Variants in NRXN1 observed in about 807,000 individuals in gnomAD.
NRXN1 encodes the protein neurexin-1.
Under a neutral mutation model 150.9 loss-of-function variants are expected in NRXN1, and 39 were observed. The ratio of observed to expected loss-of-function variants is 0.26; its 90% CI spans 0.20 to 0.34. The LOEUF is 0.34. NRXN1 is among the 10% of genes least tolerant of loss of function. NRXN1 has a pLI of 1.00. For missense variants in NRXN1, 1,815 were observed against 1,949.9 expected (o/e 0.93, Z 1.30); for synonymous variants, 924 against 757.0 (o/e 1.22, Z -3.62).
chr2:50,019,321 T>C (rs1310567487), intron 21 of NRXN1: 1 of 471,272 alleles, frequency 2.1e-6, no homozygotes, highest in South Asian at 1.5e-5. Flanking sequence ...TGTACTTTTC[T>C]GGTATCCTCG....
At chr2:50,389,214 CACA>C (rs1318694340) in intron 17 of NRXN1, among the ~76,000 whole-genome samples, 1 of 150,388 alleles carries the variant, frequency 6.6e-6, no homozygotes, top group South Asian at 2.1e-4. Flanking sequence ...TGTGTGCAAG[CACA>C]ACATCAGACC....
chr2:50,270,884 C>G (rs1246746068), intron 17 of NRXN1, among the ~76,000 whole-genome samples: 1 of 152,076 alleles, frequency 6.6e-6, no homozygotes, highest in African/African-American at 2.4e-5. Flanking sequence ...GTGGCGAACT[C>G]CTAACCTCAA....
chr2:50,325,070 G>C (rs1322181938), intron 17 of NRXN1, among the ~76,000 whole-genome samples: 1 of 152,150 alleles, frequency 6.6e-6, no homozygotes, highest in African/African-American at 2.4e-5. Context: ...AATTACTCAA[G>C]AAGAGAAAAC....
intron 5 of NRXN1, among the ~76,000 whole-genome samples, chr2:50,720,399 C>G (rs1379579557): frequency 6.6e-6 from 1 of 152,184 alleles, no homozygotes; most frequent in Non-Finnish European, 1.5e-5. Context: ...TTAATTTGAA[C>G]TCTTTCCCTA....
intron 5 of NRXN1, among the ~76,000 whole-genome samples, chr2:50,844,033 G>A (rs1673252245): frequency 6.6e-6 from 1 of 152,048 alleles, no homozygotes; most frequent in South Asian, 2.1e-4. Flanking sequence ...TCTCACTGAA[G>A]GAAGCAATGT....
At chr2:50,466,363 A>G in intron 16 of NRXN1, 1 of 334,012 alleles carries the variant, frequency 3.0e-6, no homozygotes, top group Non-Finnish European at 6.0e-6. Context: ...TCTGAACCCA[A>G]ATAACAGTTA....
intron 17 of NRXN1, among the ~76,000 whole-genome samples, chr2:50,457,077 G>C (rs2087641904): frequency 6.6e-6 from 1 of 152,070 alleles, no homozygotes; most frequent in Admixed American, 6.6e-5. Context: ...CAGAAAGGCT[G>C]TCATGGAAAA....
At chr2:50,967,238 C>T (rs1424524259) in intron 2 of NRXN1, among the ~76,000 whole-genome samples, 2 of 152,012 alleles carry the variant, frequency 1.3e-5, no homozygotes, top group East Asian at 3.9e-4. Flanking sequence ...AAAACACTTA[C>T]ATTTGAACTT....
intron 17 of NRXN1, chr2:50,463,864 T>G (rs1014523555): frequency 1.3e-5 from 2 of 151,678 alleles, no homozygotes; most frequent in African/African-American, 4.8e-5. Flanking sequence ...CCCTCTCAAC[T>G]ACCACATGTA....
rs146527580 is a variant in NRXN1 at position 50,636,465 on chromosome 2, C to T, written c.833-12850G>A. On this transcript the variant is annotated intron_variant, in intron 5 of 22. Transcript: ENST00000401669. ...AAACTCTATGGTTCTATAACATTCT[C>T]GATTTATTGAGCCACTGTTTCACTG... 7.0e-4 allele frequency among the ~76,000 whole-genome samples: 107 copies of T among 152,232 alleles called. 1 individual carries two copies. Among genetic ancestry groups the T allele is most frequent in the African/African-American group, 2.4e-3 (100 of 41,548 alleles).
At chr2:50,402,362 C>A (rs13032292) in intron 17 of NRXN1, among the ~76,000 whole-genome samples, 3 of 151,428 alleles carry the variant, frequency 2.0e-5, no homozygotes, top group African/African-American at 7.3e-5. Context: ...TTTTTAACAT[C>A]AAAAAAATGT....
intron 17 of NRXN1, among the ~76,000 whole-genome samples, chr2:50,330,929 G>C (rs1301875883): frequency 6.6e-6 from 1 of 152,150 alleles, no homozygotes; most frequent in Non-Finnish European, 1.5e-5. Context: ...TGTAATATTA[G>C]GGGTGGGAAG....
At chr2:50,378,066 A>G (rs915389262) in intron 17 of NRXN1, among the ~76,000 whole-genome samples, 2 of 152,188 alleles carry the variant, frequency 1.3e-5, no homozygotes, top group Non-Finnish European at 2.9e-5. Flanking sequence ...GGCTAGACAA[A>G]GCAGGCACAA....
At chr2:50,499,097 T>C (rs911913602) in intron 13 of NRXN1, among the ~76,000 whole-genome samples, 4 of 152,318 alleles carry the variant, frequency 2.6e-5, no homozygotes, top group African/African-American at 7.2e-5. Flanking sequence ...TATTAGACAG[T>C]GTTTAAGGAA....
Position 50,494,174 on chromosome 2 carries a change from T to C in NRXN1, c.3070+1731A>G, listed in dbSNP as rs544805547. ...AATCCATTGTCTCACACGGCTTCTC[T>C]GGACCCTCAATGTGTAGGGCTGTAC... is the stretch of plus-strand genomic sequence containing the variant. On this transcript the variant is annotated intron_variant, in intron 15 of 22. Transcript: ENST00000401669. Among the ~76,000 whole-genome samples, 11 of 152,350 alleles carry C rather than the reference T, an allele frequency of 7.2e-5. No homozygotes were observed. The East Asian group carries it at 1.9e-3, about 27-fold the overall frequency.
intron 18 of NRXN1, among the ~76,000 whole-genome samples, chr2:50,182,258 A>G (rs952335210): frequency 6.6e-6 from 1 of 151,882 alleles, no homozygotes; most frequent in Non-Finnish European, 1.5e-5. Context: ...CTTCTCTCCT[A>G]TTCTTTCCTA....
rs181579248 is a variant in NRXN1 at position 50,872,359 on chromosome 2, G to A, written c.832+49510C>T. ...TCAGTCTGGTGGAGTGCAGATATACGTTGTTGAGCTGAGGGTTGAGGAGTG... is the reference window on the plus strand; with the variant it reads ...TCAGTCTGGTGGAGTGCAGATATACATTGTTGAGCTGAGGGTTGAGGAGTG... On this transcript the variant is annotated intron_variant, in intron 5 of 22. Transcript: ENST00000401669. Among the ~76,000 whole-genome samples, 6 of 151,820 alleles carry A rather than the reference G, an allele frequency of 4.0e-5. No homozygotes were observed. The East Asian group carries it at 7.8e-4, about 20-fold the overall frequency.
At chr2:50,760,379 C>T (rs1462748928) in intron 5 of NRXN1, among the ~76,000 whole-genome samples, 1 of 151,864 alleles carries the variant, frequency 6.6e-6, no homozygotes, top group South Asian at 2.1e-4. Context: ...TCAGGCTCCT[C>T]TCTTCTCTAG....
At chr2:50,499,274 C>T (rs2091816745) in intron 13 of NRXN1, among the ~76,000 whole-genome samples, 1 of 152,088 alleles carries the variant, frequency 6.6e-6, no homozygotes, top group African/African-American at 2.4e-5. Context: ...AGTCTTGATC[C>T]TGGAAACAAC....
Sources: gnomAD v4.1 joint callset for allele counts (sites outside exome capture counted in the v4.1 genomes callset) on GRCh38, gnomAD v4.1.1 for gene constraint, MANE v1.5 for transcripts, NCBI Gene and HGNC (gene_info 2026-07-23, HGNC 2026-07-21) for gene names.